The following SEPTIN9 variants were observed in gnomAD, a reference collection of about 807,000 sequenced individuals.
The protein encoded by SEPTIN9 is septin-9.
SEPTIN9 carries 13 observed loss-of-function variants against 56.6 expected under a neutral mutation model. The observed-to-expected ratio is 0.23, with a 90% CI of 0.15 to 0.37. The LOEUF is 0.37. Among genes scored for constraint, SEPTIN9 ranks in the 10% least tolerant of loss-of-function variants. SEPTIN9 has a pLI of 1.00. For synonymous variants in SEPTIN9, 332 were observed against 334.1 expected (o/e 0.99, Z 0.07); for missense variants, 650 against 823.1 (o/e 0.79, Z 2.57).
rs540963288 is a variant in SEPTIN9, at chr17:77,456,567, C to T, written c.722-25577C>T. ...CCAGGGACAGACCCCATAGACAATA[C>T]TGAGTCCCTGCAGCCAGGGATGGGC... On this transcript the variant is annotated intron_variant, in intron 3 of 11. Coordinates refer to ENST00000427177, the MANE Select transcript of SEPTIN9 (RefSeq NM_001113491.2). This position sits in a 1 kb window ranked among gnomAD's most constrained non-coding sequence, Gnocchi z 6.0. The T allele has an allele frequency of 3.3e-5, 5 of 152,578 alleles. No homozygotes were observed. Among genetic ancestry groups the T allele is most frequent in the Admixed American group, 1.3e-4 (2 of 15,294 alleles). The allele number at this position is 152,578 out of a possible 1,614,324, so 9.5% of individuals were successfully genotyped here.
intron 3 of SEPTIN9, among the ~76,000 whole-genome samples, chr17:77,415,944 G>A (rs2036491501): frequency 6.6e-6 from 1 of 152,226 alleles, no homozygotes; most frequent in African/African-American, 2.4e-5. Context: ...GGAGCAAAAT[G>A]TAAGGGGACA....
At chr17:77,488,471 G>A in intron 6 of SEPTIN9, 150 bp downstream of exon 6, 5 of 857,916 alleles carry the variant, frequency 5.8e-6, no homozygotes, top group Non-Finnish European at 9.4e-6. Context: ...ACGTCTCAGG[G>A]GCCTGAAAAT....
At chr17:77,497,501 G>T in intron 11 of SEPTIN9, 135 bp downstream of exon 11, 1 of 774,128 alleles carries the variant, frequency 1.3e-6, no homozygotes, top group Non-Finnish European at 2.2e-6. Context: ...CCCTGCCCTC[G>T]GGAAGATCTT....
At chr17:77,291,873 A>G (rs1430242929) in intron 1 of SEPTIN9, among the ~76,000 whole-genome samples, 1 of 152,156 alleles carries the variant, frequency 6.6e-6, no homozygotes, top group Non-Finnish European at 1.5e-5. Context: ...CTTTTCTGGT[A>G]TTTCTGGGAT....
At chr17:77,338,553 G>C (rs945332627) in intron 2 of SEPTIN9, among the ~76,000 whole-genome samples, 5 of 152,114 alleles carry the variant, frequency 3.3e-5, no homozygotes, top group African/African-American at 1.2e-4. Context: ...CGAGTAGCTG[G>C]GACTACAGGT....
intron 1 of SEPTIN9, among the ~76,000 whole-genome samples, chr17:77,289,616 C>T (rs942377522): frequency 2.0e-5 from 3 of 151,960 alleles, no homozygotes; most frequent in Non-Finnish European, 2.9e-5. Flanking sequence ...CCATGTTGGT[C>T]AGGCTGGTCT....
chr17:77,431,784 C>T (rs1048916294), intron 3 of SEPTIN9, among the ~76,000 whole-genome samples: 2 of 145,986 alleles, frequency 1.4e-5, no homozygotes, highest in Non-Finnish European at 1.5e-5. Flanking sequence ...GAGCCAAGAT[C>T]GTGCCACTGC....
chr17:77,370,471 C>A (rs1008223514), intron 2 of SEPTIN9, among the ~76,000 whole-genome samples: 2 of 152,112 alleles, frequency 1.3e-5, no homozygotes, highest in Admixed American at 6.5e-5. Flanking sequence ...CTGCAGAGAC[C>A]CTTAAACAGA....
At chr17:77,298,490 G>A (rs1466749393) in intron 1 of SEPTIN9, among the ~76,000 whole-genome samples, 2 of 152,212 alleles carry the variant, frequency 1.3e-5, no homozygotes, top group African/African-American at 2.4e-5. Context: ...CCCCACCGCA[G>A]CTGCTGCAGG....
chr17:77,361,925 C>T (rs2143855245), intron 2 of SEPTIN9, among the ~76,000 whole-genome samples: 1 of 152,350 alleles, frequency 6.6e-6, no homozygotes, highest in Non-Finnish European at 1.5e-5. Flanking sequence ...AGCCACCGCG[C>T]CCGGCCAAGT....
chr17:77,311,392 G>A lies in SEPTIN9; in HGVS notation c.76+4195G>A, dbSNP rs556170585. The stretch of plus-strand genomic sequence containing the variant: ...ACACTGATGCACCTCCCACCTGGCC[G>A]CTGTGGATGGACGACCCCGCCCGCA... On this transcript the variant is annotated intron_variant, in intron 2 of 11. Transcript: ENST00000427177. Among the ~76,000 whole-genome samples the A allele has an allele frequency of 1.4e-3, 217 of 152,244 alleles. 3 individuals are homozygous for A. The highest frequency in any genetic ancestry group is 2.0e-3 in the Non-Finnish European group (137 of 68,010).
At position 77,319,506 on chromosome 17, in the gene SEPTIN9, G is replaced by A. The variant is rs11871408; in HGVS notation, c.76+12309G>A. 2.2e-3 allele frequency: 2,235 copies of A among 1,036,704 alleles called. 38 individuals carry two copies. In the African/African-American group the frequency reaches 0.034, roughly 16 times the overall value. The allele number at this position is 1,036,704 out of a possible 1,614,324, so 64.2% of individuals were successfully genotyped here. On this transcript the variant is annotated intron_variant, in intron 2 of 11. Transcript: ENST00000427177. This position sits in a 1 kb window ranked among gnomAD's most constrained non-coding sequence, Gnocchi z 5.3. ...CGTTCGCCCTCTCTGCCTGGGCGGGGACGGCAACTGCCTCTGTCACTGCAG... is the reference window on the plus strand; with the variant it reads ...CGTTCGCCCTCTCTGCCTGGGCGGGAACGGCAACTGCCTCTGTCACTGCAG...
chr17:77,416,959 C>A (rs535059221), intron 3 of SEPTIN9, among the ~76,000 whole-genome samples: 2 of 152,374 alleles, frequency 1.3e-5, no homozygotes, highest in South Asian at 4.1e-4. Context: ...GTTTCCTCAT[C>A]TGTACAATGA....
chr17:77,486,656 G>A (rs1376585809), intron 4 of SEPTIN9, among the ~76,000 whole-genome samples: 2 of 151,980 alleles, frequency 1.3e-5, no homozygotes, highest in African/African-American at 4.8e-5. Flanking sequence ...TGTGTGTGTT[G>A]TGAGGTGTGT....
chr17:77,329,787 G>C lies in SEPTIN9; in HGVS notation c.76+22590G>C, dbSNP rs1174451713. The stretch of plus-strand genomic sequence containing the variant: ...ACTCGGGGCAAGGTTCAGATATCCA[G>C]AACATTCTTGGCTGGCTCTTGGAGC... On this transcript the variant is annotated intron_variant, in intron 2 of 11. Coordinates refer to ENST00000427177, the MANE Select transcript of SEPTIN9 (RefSeq NM_001113491.2). This position sits in a 1 kb window ranked among gnomAD's most constrained non-coding sequence, Gnocchi z 4.3. 6.6e-6 allele frequency among the ~76,000 whole-genome samples: 1 copy of C among 152,220 alleles called. No homozygotes were observed. Among genetic ancestry groups the C allele is most frequent in the African/African-American group, 2.4e-5 (1 of 41,454 alleles).
intron 3 of SEPTIN9, among the ~76,000 whole-genome samples, chr17:77,428,611 C>G (rs1023634048): frequency 6.6e-6 from 1 of 152,218 alleles, no homozygotes; most frequent in African/African-American, 2.4e-5. Context: ...GCGGCATCCT[C>G]ATCTTGCAGA....
rs1012029204 is a variant in SEPTIN9 at position 77,405,229 on chromosome 17, G to A, written c.721+2526G>A. 2.9e-5 allele frequency: 34 copies of A among 1,160,568 alleles called. No individual in the cohort carries two copies. The African/African-American group carries it at 3.9e-4, about 13-fold the overall frequency. The allele number at this position is 1,160,568 out of a possible 1,614,324, so 71.9% of individuals were successfully genotyped here. A position where few individuals can be genotyped will look rare whatever the true frequency, so the allele number is the denominator to read the frequency against. ...CCTAAATTGTGCCAGAGACTGTGCC[G>A]GGAGCCAGGCCCAGGGACACAACCT... On this transcript the variant is annotated intron_variant, in intron 3 of 11. Coordinates refer to ENST00000427177, the MANE Select transcript of SEPTIN9 (RefSeq NM_001113491.2). The surrounding 1 kb of genome is among the most constrained non-coding windows in gnomAD (Gnocchi z 5.8).
chr17:77,497,165 C>T, intron 10 of SEPTIN9, 150 bp from the exon 11 acceptor site: 1 of 753,138 alleles, frequency 1.3e-6, no homozygotes, highest in Non-Finnish European at 2.4e-6. Flanking sequence ...TACTCAGCTG[C>T]AGAGCAGGTG....
At chr17:77,481,091 C>T in intron 3 of SEPTIN9, among the ~76,000 whole-genome samples, 1 of 152,222 alleles carries the variant, frequency 6.6e-6, no homozygotes, top group South Asian at 2.1e-4. Context: ...GAACCAGCCC[C>T]ATCCTGGGTA....
Sources: allele counts gnomAD v4.1 joint callset (sites outside exome capture counted in the v4.1 genomes callset), GRCh38; gene constraint gnomAD v4.1.1; non-coding constraint Gnocchi (gnomAD v3.1); transcripts MANE v1.5; gene names NCBI Gene and HGNC (gene_info 2026-07-23, HGNC 2026-07-21).